Variants in UGT1A9 observed in about 807,000 individuals in gnomAD.
The protein encoded by UGT1A9 is UDP glucuronosyltransferase family 1 member A9.
In UGT1A9, 35 loss-of-function variants were observed where a neutral mutation model predicts 45.0. The ratio of observed to expected loss-of-function variants is 0.78; its 90% CI spans 0.59 to 1.03. The LOEUF is 1.03. Ranked by LOEUF, UGT1A9 falls within the 50% of genes least tolerant of loss-of-function variation. The probability of loss-of-function intolerance (pLI) is 0.00; values close to 1 mark genes in which losing one functional copy is unlikely to be tolerated. For synonymous variants in UGT1A9, 278 were observed against 250.6 expected, an observed-to-expected ratio of 1.11 and a Z score of -1.03; for missense variants, 687 against 666.6, an observed-to-expected ratio of 1.03 and a Z score of -0.34.
chr2:233,722,566 G>A (rs901908747), intron 1 of UGT1A9, among the ~76,000 whole-genome samples: 44 of 152,258 alleles, frequency 2.9e-4, no homozygotes, highest in Non-Finnish European at 5.7e-4. Flanking sequence ...ATTTGTAGCT[G>A]CTTTTGCAAC....
chr2:233,717,356 G>A (rs1181500345), intron 1 of UGT1A9, among the ~76,000 whole-genome samples: 1 of 152,158 alleles, frequency 6.6e-6, no homozygotes, highest in Admixed American at 6.5e-5. Flanking sequence ...CCTCCCCTGG[G>A]GAGTTCTCAA....
At chr2:233,747,365 C>A (rs954513567) in intron 1 of UGT1A9, 2 of 1,604,254 alleles carry the variant, frequency 1.2e-6, no homozygotes, top group East Asian at 4.5e-5. Context: ...TGCGGGAGCT[C>A]CATGCCAGAG....
chr2:233,744,158 C>T (rs1163100045), intron 1 of UGT1A9: 5 of 297,370 alleles, frequency 1.7e-5, no homozygotes, highest in Admixed American at 4.5e-5. Context: ...GACCAGGCCC[C>T]GCCCACTCCG....
chr2:233,694,499 A>G (rs1315589494), intron 1 of UGT1A9, among the ~76,000 whole-genome samples: 1 of 152,222 alleles, frequency 6.6e-6, no homozygotes, highest in African/African-American at 2.4e-5. Flanking sequence ...GTGTTTACAG[A>G]TGCCCTCCTG....
chr2:233,720,045 G>A (rs577020263), intron 1 of UGT1A9, among the ~76,000 whole-genome samples: 1 of 152,284 alleles, frequency 6.6e-6, no homozygotes, highest in Admixed American at 6.5e-5. Context: ...ATTTTCAGCT[G>A]AACGGTGATG....
chr2:233,682,455 T>C (rs769051709), intron 1 of UGT1A9: 6 of 1,613,820 alleles, frequency 3.7e-6, no homozygotes. Context: ...AGGGGAATAT[T>C]TTGCCACTAT....
chr2:233,737,141 C>T (rs2078844514), intron 1 of UGT1A9, among the ~76,000 whole-genome samples: 1 of 152,246 alleles, frequency 6.6e-6, no homozygotes, highest in African/African-American at 2.4e-5. Context: ...GCCTTTTGTT[C>T]AGATATGCCC....
intron 1 of UGT1A9, among the ~76,000 whole-genome samples, chr2:233,746,735 T>A (rs1693464180): frequency 6.6e-6 from 1 of 151,806 alleles, no homozygotes; most frequent in African/African-American, 2.4e-5. Context: ...GGATTCTGCT[T>A]TGGTTCCAAA....
chr2:233,733,665 C>A (rs572113839), intron 1 of UGT1A9, among the ~76,000 whole-genome samples: 1 of 152,162 alleles, frequency 6.6e-6, no homozygotes, highest in Non-Finnish European at 1.5e-5. Context: ...CCGACTTGAT[C>A]GATGTGGATA....
intron 1 of UGT1A9, among the ~76,000 whole-genome samples, chr2:233,679,467 T>C (rs182455239): frequency 2.0e-5 from 3 of 152,340 alleles, no homozygotes; most frequent in African/African-American, 7.2e-5. Context: ...CACAAAACAG[T>C]AGAGTTAGCC....
intron 1 of UGT1A9, chr2:233,747,360 G>A: frequency 6.2e-7 from 1 of 1,603,748 alleles, no homozygotes; most frequent in Non-Finnish European, 8.5e-7. Context: ...GGCCGTGCGG[G>A]AGCTCCATGC....
At chr2:233,762,315 G>T (rs565893517) in intron 1 of UGT1A9, among the ~76,000 whole-genome samples, 1 of 152,334 alleles carries the variant, frequency 6.6e-6, no homozygotes, top group South Asian at 2.1e-4. Context: ...TTAATGGGTC[G>T]AGAGTAATCC....
chr2:233,690,018 T>C (rs1667000994), intron 1 of UGT1A9: 1 of 438,514 alleles, frequency 2.3e-6, no homozygotes. Context: ...ATTTTGGACC[T>C]TCCTCAAGAT....
chr2:233,678,876 A>G (rs2074431047), intron 1 of UGT1A9, among the ~76,000 whole-genome samples: 1 of 152,158 alleles, frequency 6.6e-6, no homozygotes, highest in Non-Finnish European at 1.5e-5. Flanking sequence ...TCCCTTCATG[A>G]CTTCCTTGAT....
intron 1 of UGT1A9, chr2:233,747,220 A>G: frequency 6.2e-7 from 1 of 1,605,538 alleles, no homozygotes; most frequent in South Asian, 1.1e-5. Flanking sequence ...TGAGATGGCC[A>G]CAGGACCCCA....
chr2:233,769,809 C>A lies in UGT1A9; in HGVS notation c.1295+1370C>A. On this transcript the variant is annotated intron_variant, in intron 4 of 4. Transcript: ENST00000354728. This position sits in a 1 kb window ranked among gnomAD's most constrained non-coding sequence, Gnocchi z 4.4. Reference sequence around the variant, plus strand: ...GTTGGAGGCTGCTATGAGCCGTGATCATGCCACTGCACTCCAGCAACCTGG... The same window carrying A: ...GTTGGAGGCTGCTATGAGCCGTGATAATGCCACTGCACTCCAGCAACCTGG... 4.2e-6 allele frequency: 4 copies of A among 962,960 alleles called. No homozygotes were observed. The highest frequency in any genetic ancestry group is 3.0e-5 in the East Asian group (1 of 33,100). 59.7% of individuals were successfully genotyped at this position (962,960 alleles called of 1,614,324 possible). A position where few individuals can be genotyped will look rare whatever the true frequency, so the allele number is the denominator to read the frequency against.
chr2:233,756,808 C>T (rs1575745774), intron 1 of UGT1A9, among the ~76,000 whole-genome samples: 1 of 152,078 alleles, frequency 6.6e-6, no homozygotes, highest in Non-Finnish European at 1.5e-5. Context: ...TAGTAAAGGT[C>T]ACTCAATTCC....
intron 1 of UGT1A9, among the ~76,000 whole-genome samples, chr2:233,732,885 A>G (rs1356305155): frequency 6.6e-6 from 1 of 150,402 alleles, no homozygotes; most frequent in Non-Finnish European, 1.5e-5. Flanking sequence ...CATTGAATCT[A>G]TAAATTACCT....
chr2:233,693,414 ACTT>A (rs749598599), intron 1 of UGT1A9: 2 of 1,614,132 alleles, frequency 1.2e-6, no homozygotes, highest in East Asian at 4.5e-5. Context: ...GACACCCTGA[ACTT>A]CTTTAAGGAG....
Sources: allele counts gnomAD v4.1 joint callset (sites outside exome capture counted in the v4.1 genomes callset), GRCh38; gene constraint gnomAD v4.1.1; non-coding constraint Gnocchi (gnomAD v3.1); transcripts MANE v1.5; gene names NCBI Gene and HGNC (gene_info 2026-07-23, HGNC 2026-07-21).